Variants in STAG2 observed in about 807,000 individuals in gnomAD.
The protein encoded by STAG2 is STAG2 cohesin complex component.
STAG2 carries 14 observed loss-of-function variants against 108.1 expected under a neutral mutation model. The observed-to-expected ratio is 0.13, with a 90% confidence interval of 0.09 to 0.20. The LOEUF is 0.20. Among genes scored for constraint, STAG2 ranks in the 10% least tolerant of loss-of-function variants. The pLI, the probability that STAG2 is intolerant of heterozygous loss-of-function variation, is 1.00. For synonymous variants in STAG2, 307 were observed against 302.7 expected, an observed-to-expected ratio of 1.01 and a Z score of -0.15; for missense variants, 440 against 940.9, an observed-to-expected ratio of 0.47 and a Z score of 6.96.
chrX:124,050,651 A>T lies in STAG2; in HGVS notation c.1017+342A>T, dbSNP rs1466217918. Among the ~76,000 whole-genome samples, 4 of 111,384 alleles carry T rather than the reference A, an allele frequency of 3.6e-5. No homozygotes were observed. In the South Asian group the frequency reaches 1.1e-3, roughly 31 times the overall value. On this transcript the variant is annotated intron_variant, in intron 11 of 34. Transcript: ENST00000371145. ...TATATACTTAAAAAAAAAATTATTC[A>T]ATTTTGATCCTCTCTTTTGACAAAC... is the stretch of plus-strand genomic sequence containing the variant.
At chrX:124,077,806 T>C in intron 26 of STAG2, 151 bp from the exon 27 acceptor site, 1 of 372,282 alleles carries the variant, frequency 2.7e-6, no homozygotes, top group African/African-American at 2.7e-5. Context: ...AAATGATCTT[T>C]AGGTTTCAGT....
rs766811690 is a variant in STAG2, at chrX:124,024,235, G to T, written c.44+1564G>T. On this transcript the variant is annotated intron_variant, in intron 3 of 34. Transcript: ENST00000371145. The stretch of plus-strand genomic sequence containing the variant: ...GATAATTGAGCCCTTGATTACTCTG[G>T]CCATTGGAACATTGTGAAGACTATA... Among the ~76,000 whole-genome samples the T allele has an allele frequency of 4.5e-5, 5 of 111,408 alleles. No homozygotes were observed. In the East Asian group the frequency reaches 1.4e-3, roughly 31 times the overall value.
At chrX:124,083,589 G>C (rs369827096) in intron 29 of STAG2, 40 bp downstream of exon 29, 28 of 1,087,307 alleles carry the variant, frequency 2.6e-5, no homozygotes, top group Non-Finnish European at 3.4e-5. Context: ...ATTTCATTTT[G>C]GGATTCTTAA....
chrX:123,977,646 GA>G (rs201068236), intron 1 of STAG2, among the ~76,000 whole-genome samples: 14 of 109,380 alleles, frequency 1.3e-4, no homozygotes, highest in East Asian at 5.7e-4. Context: ...TAAAAATAAT[GA>G]AAAAAAATAG....
At chrX:124,015,779 G>T (rs1236047074) in intron 1 of STAG2, among the ~76,000 whole-genome samples, 1 of 111,589 alleles carries the variant, frequency 9.0e-6, no homozygotes, top group Non-Finnish European at 1.9e-5. Flanking sequence ...TTTTTTGCCC[G>T]CATGTACATC....
intron 1 of STAG2, among the ~76,000 whole-genome samples, chrX:123,965,953 T>G (rs1363037287): frequency 9.2e-6 from 1 of 108,632 alleles, no homozygotes; most frequent in East Asian, 2.9e-4. Flanking sequence ...AAGCCACGAT[T>G]GCGCCACTGC....
intron 4 of STAG2, among the ~76,000 whole-genome samples, chrX:124,030,335 A>G (rs1380956954): frequency 8.9e-6 from 1 of 111,968 alleles, no homozygotes; most frequent in Non-Finnish European, 1.9e-5. Context: ...ATATTTTTGC[A>G]GTGTTTTTCA....
chrX:124,088,310 A>G (rs1286774524), intron 30 of STAG2, among the ~76,000 whole-genome samples: 1 of 110,918 alleles, frequency 9.0e-6, no homozygotes, highest in African/African-American at 3.3e-5. Context: ...ATAGATTATT[A>G]AACCAGATAC....
Position 124,002,812 on chromosome X carries a change from C to T in STAG2, c.-162-18555C>T, listed in dbSNP as rs373588531. On this transcript the variant is annotated intron_variant, in intron 1 of 34. Transcript: ENST00000371145. ...GCAATTTTTCTTTCTTTCTTTCTTTCTTTTTTTTTTTTTTTGTATTTTTAG... is the reference window on the plus strand; with the variant it reads ...GCAATTTTTCTTTCTTTCTTTCTTTTTTTTTTTTTTTTTTTGTATTTTTAG... Among the ~76,000 whole-genome samples the T allele has an allele frequency of 1.4e-4, 13 of 92,922 alleles. No individual in the cohort carries two copies. The South Asian group carries it at 3.5e-3, about 25-fold the overall frequency. The allele number at this position is 92,922 out of a possible 115,157, so 80.7% of individuals were successfully genotyped here.
intron 34 of STAG2, among the ~76,000 whole-genome samples, chrX:124,099,309 A>C (rs1218372558): frequency 1.8e-5 from 2 of 111,902 alleles, no homozygotes; most frequent in Non-Finnish European, 3.8e-5. Flanking sequence ...ACTTTCATTC[A>C]TCATCAGACC....
At chrX:124,056,467 C>T (rs1423851449) in intron 14 of STAG2, among the ~76,000 whole-genome samples, 1 of 110,514 alleles carries the variant, frequency 9.0e-6, no homozygotes, top group Non-Finnish European at 1.9e-5. Context: ...GGCGCAGTGG[C>T]TCATGCCTGT....
At chrX:124,079,134 T>A (rs1451417799) in intron 27 of STAG2, among the ~76,000 whole-genome samples, 1 of 101,723 alleles carries the variant, frequency 9.8e-6, no homozygotes, top group Non-Finnish European at 2.0e-5. Flanking sequence ...AGGAATGTCC[T>A]TTTTTTTTTT....
intron 23 of STAG2, among the ~76,000 whole-genome samples, chrX:124,067,055 T>C (rs1194888199): frequency 1.8e-5 from 2 of 111,522 alleles, no homozygotes; most frequent in African/African-American, 6.5e-5. Flanking sequence ...TTTAGAAATA[T>C]CACACAGTTT....
At chrX:123,973,910 G>C (rs922531318) in intron 1 of STAG2, among the ~76,000 whole-genome samples, 1 of 110,619 alleles carries the variant, frequency 9.0e-6, no homozygotes, top group Non-Finnish European at 1.9e-5. Context: ...CATAGTCTCT[G>C]CCCTTAGGGG....
intron 34 of STAG2, chrX:124,097,685 G>T: frequency 2.9e-6 from 1 of 340,942 alleles, no homozygotes; most frequent in Non-Finnish European, 5.8e-6. Flanking sequence ...AACCGTGTGA[G>T]AAAGGTAATG....
At chrX:124,016,370 A>G (rs751602777) in intron 1 of STAG2, among the ~76,000 whole-genome samples, 2 of 111,791 alleles carry the variant, frequency 1.8e-5, no homozygotes, top group South Asian at 7.4e-4. Flanking sequence ...CCTTTTTTGT[A>G]CTAACAATAA....
intron 13 of STAG2, among the ~76,000 whole-genome samples, chrX:124,055,363 A>G (rs2058164398): frequency 8.9e-6 from 1 of 111,966 alleles, no homozygotes; most frequent in Admixed American, 9.5e-5. Flanking sequence ...AAAAACCTAG[A>G]TTATATATAT....
intron 5 of STAG2, among the ~76,000 whole-genome samples, chrX:124,035,568 A>G (rs932818356): frequency 4.5e-5 from 5 of 112,069 alleles, no homozygotes; most frequent in African/African-American, 1.6e-4. Flanking sequence ...AACTAAGTGG[A>G]GATGACTTGT....
chrX:123,988,790 G>C (rs1263443747), intron 1 of STAG2, among the ~76,000 whole-genome samples: 1 of 111,121 alleles, frequency 9.0e-6, no homozygotes, highest in Admixed American at 9.6e-5. Context: ...TTTAAAAGAA[G>C]CTTGTTAAAA....
Sources: gnomAD v4.1 joint callset for allele counts (sites outside exome capture counted in the v4.1 genomes callset) on GRCh38, gnomAD v4.1.1 for gene constraint, MANE v1.5 for transcripts, NCBI Gene and HGNC (gene_info 2026-07-23, HGNC 2026-07-21) for gene names.